The following CYTH3 variants were observed in gnomAD, a reference collection of about 807,000 sequenced individuals.
The protein encoded by CYTH3 is cytohesin-3.
CYTH3 carries 23 observed loss-of-function variants against 55.1 expected under a neutral mutation model. The ratio of observed to expected loss-of-function variants is 0.42; its 90% CI spans 0.30 to 0.59. The LOEUF (loss-of-function observed/expected upper bound fraction) is 0.59, where lower values mean the gene tolerates loss of function less well. CYTH3 is among the 20% of genes least tolerant of loss of function. The pLI, the probability that CYTH3 is intolerant of heterozygous loss-of-function variation, is 0.20. For missense variants in CYTH3, 413 were observed against 524.8 expected, an observed-to-expected ratio of 0.79 and a Z score of 2.08; for synonymous variants, 249 against 194.9, an observed-to-expected ratio of 1.28 and a Z score of -2.31.
chr7:6,187,027 G>A (rs751412157), intron 4 of CYTH3, 23 bp downstream of exon 4: 13 of 1,610,286 alleles, frequency 8.1e-6, no homozygotes, highest in African/African-American at 1.3e-5. Context: ...CTGCAGGCCA[G>A]AAAAGGGAGA....
chr7:6,170,747 G>A lies in CYTH3; in HGVS notation c.711+83C>T. The A allele has an allele frequency of 6.4e-7, 1 of 1,567,836 alleles. No homozygotes were observed. Among genetic ancestry groups the A allele is most frequent in the Non-Finnish European group, 8.7e-7 (1 of 1,154,988 alleles). ...CCAGGGCGGCAAGGAGGCTTGGGAG[G>A]CGTGTCTAGAGCCGCGGGCGCTGCG... On this transcript the variant is annotated intron_variant, in intron 8 of 12. Coordinates refer to ENST00000350796, the MANE Select transcript of CYTH3 (RefSeq NM_004227.4). This position sits in a 1 kb window ranked among gnomAD's most constrained non-coding sequence, Gnocchi z 7.8.
intron 1 of CYTH3, among the ~76,000 whole-genome samples, chr7:6,202,978 A>G (rs1784093529): frequency 6.6e-6 from 1 of 152,254 alleles, no homozygotes; most frequent in African/African-American, 2.4e-5. Context: ...AAAGTGACAT[A>G]CCAGACAAAT....
At chr7:6,190,301 T>C (rs756481217) in intron 2 of CYTH3, 148 bp downstream of exon 2, 2 of 732,900 alleles carry the variant, frequency 2.7e-6, no homozygotes, top group East Asian at 2.9e-5. Context: ...AGTTCTTATA[T>C]GCACACACTA....
In CYTH3 at chr7:6,173,716, T is replaced by C; in HGVS notation, c.386A>G (p.Lys129Arg). The change falls in exon 6 of 13, where the codon AAA becomes AGA. Residue 129 changes from lysine to arginine, a missense_variant. Lys to Arg is a conservative substitution (Grantham distance 26). This residue lies in a region of CYTH3 where 156 missense variants were observed against 233.1 expected (regional missense o/e 0.67). Coordinates refer to ENST00000350796, the MANE Select transcript of CYTH3 (RefSeq NM_004227.4). Reference protein sequence around the residue: ...YLGERDEFNIKVLQAFVELHE... With the variant: ...YLGERDEFNIRVLQAFVELHE... Reference sequence around the variant, plus strand: ...GAGTTCAACAAAGGCTTGAAGAACTTTAATATTAAATTCATCCCTGGGAAA... The same window carrying C: ...GAGTTCAACAAAGGCTTGAAGAACTCTAATATTAAATTCATCCCTGGGAAA... The C allele has an allele frequency of 6.2e-7, 1 of 1,604,714 alleles. No homozygotes were observed.
chr7:6,242,080 CTTTG>C lies in CYTH3; in HGVS notation c.34+30390_34+30393del, dbSNP rs368501422. Among the ~76,000 whole-genome samples, 374 of 151,876 alleles carry C rather than the reference CTTTG, an allele frequency of 2.5e-3. 1 individual carries two copies. The highest frequency in any genetic ancestry group is 8.5e-3 in the African/African-American group (354 of 41,456). ...AGGGAACAGGGCAGAGGGGTTTTTT[CTTTG>C]TTTGTTTTTTGAGATGGAGTCTCGC... On this transcript the variant is annotated intron_variant, in intron 1 of 12. Transcript: ENST00000350796.
intron 4 of CYTH3, among the ~76,000 whole-genome samples, chr7:6,183,762 C>G (rs1435432968): frequency 1.3e-5 from 2 of 151,674 alleles, no homozygotes; most frequent in African/African-American, 4.9e-5. Context: ...ATGTTGAAGC[C>G]CAAACCCCCA....
rs1193459071 is a variant in CYTH3 at position 6,162,894 on chromosome 7, G to A, written c.*2050C>T. 1.3e-5 allele frequency: 2 copies of A among 152,710 alleles called. No individual in the cohort carries two copies. Among genetic ancestry groups the A allele is most frequent in the South Asian group, 2.1e-4 (1 of 4,836 alleles). The allele number at this position is 152,710 out of a possible 1,614,324, so 9.5% of individuals were successfully genotyped here. Reference sequence around the variant, plus strand: ...ATGCTGACAGAGCTGGCTGTGGCCAGTCTTGGGTGCCGGGCCAGCCTGAGG... The same window carrying A: ...ATGCTGACAGAGCTGGCTGTGGCCAATCTTGGGTGCCGGGCCAGCCTGAGG... On this transcript the variant is annotated 3_prime_UTR_variant, in exon 13 of 13. Coordinates refer to ENST00000350796, the MANE Select transcript of CYTH3 (RefSeq NM_004227.4).
intron 1 of CYTH3, among the ~76,000 whole-genome samples, chr7:6,247,070 C>T (rs2115042907): frequency 6.6e-6 from 1 of 152,352 alleles, no homozygotes; most frequent in East Asian, 1.9e-4. Flanking sequence ...TACTGGCTCA[C>T]ATAACTCCTA....
At chr7:6,253,499 G>A (rs541445416) in intron 1 of CYTH3, among the ~76,000 whole-genome samples, 79 of 151,896 alleles carry the variant, frequency 5.2e-4, no homozygotes, top group Non-Finnish European at 8.7e-4. Context: ...CTGATCCATC[G>A]CACCCAGCCA....
At chr7:6,189,667 T>C (rs558519271) in intron 2 of CYTH3, among the ~76,000 whole-genome samples, 1 of 152,032 alleles carries the variant, frequency 6.6e-6, no homozygotes, top group East Asian at 1.9e-4. Context: ...TGGAACCCAA[T>C]ACATGCCCAC....
intron 1 of CYTH3, among the ~76,000 whole-genome samples, chr7:6,272,238 G>C (rs540639241): frequency 6.6e-6 from 1 of 151,310 alleles, no homozygotes; most frequent in Non-Finnish European, 1.5e-5. Context: ...CCCCGGCCTG[G>C]TACCCAGACC....
intron 1 of CYTH3, among the ~76,000 whole-genome samples, chr7:6,206,475 A>G (rs916100323): frequency 2.0e-5 from 3 of 152,238 alleles, no homozygotes; most frequent in Non-Finnish European, 4.4e-5. Context: ...TACTGCCTGA[A>G]GAAGGGCATA....
At chr7:6,268,166 G>A (rs1277275780) in intron 1 of CYTH3, among the ~76,000 whole-genome samples, 3 of 151,936 alleles carry the variant, frequency 2.0e-5, no homozygotes, top group African/African-American at 7.3e-5. Flanking sequence ...CTTTGCTCTT[G>A]TAATTTTGTT....
At chr7:6,166,242 G>A (rs988119230) in intron 9 of CYTH3, among the ~76,000 whole-genome samples, 7 of 152,220 alleles carry the variant, frequency 4.6e-5, no homozygotes, top group Non-Finnish European at 1.0e-4. Context: ...CCAAGGAATC[G>A]TGAGACTGAA....
intron 1 of CYTH3, among the ~76,000 whole-genome samples, chr7:6,210,992 A>C (rs1284896295): frequency 6.6e-6 from 1 of 152,216 alleles, no homozygotes; most frequent in Non-Finnish European, 1.5e-5. Flanking sequence ...TTTCCTTTCC[A>C]AGTGAAGTTT....
chr7:6,169,721 GC>G lies in CYTH3; in HGVS notation c.823+813del, dbSNP rs1272414037. 1.3e-5 allele frequency among the ~76,000 whole-genome samples: 2 copies of G among 152,218 alleles called. No individual in the cohort carries two copies. Among genetic ancestry groups the G allele is most frequent in the East Asian group, 3.9e-4 (2 of 5,170 alleles). On this transcript the variant is annotated intron_variant, in intron 9 of 12. Coordinates refer to ENST00000350796, the MANE Select transcript of CYTH3 (RefSeq NM_004227.4). The surrounding 1 kb of genome is among the most constrained non-coding windows in gnomAD (Gnocchi z 4.1). ...GTAATTGCCCTAAATTGCTCCAAAG[GC>G]CTTTAGAGCACTCCCGAAATCTCTC...
chr7:6,166,250 GAATT>G (rs1478941166), intron 9 of CYTH3, among the ~76,000 whole-genome samples: 1 of 152,232 alleles, frequency 6.6e-6, no homozygotes, highest in Non-Finnish European at 1.5e-5. Flanking sequence ...TCGTGAGACT[GAATT>G]AATTTTGTAA....
chr7:6,246,848 CTT>C (rs1779832967), intron 1 of CYTH3, among the ~76,000 whole-genome samples: 1 of 152,132 alleles, frequency 6.6e-6, no homozygotes, highest in Non-Finnish European at 1.5e-5. Context: ...ATAATTTAGA[CTT>C]AAATTTATGT....
chr7:6,179,884 C>CA (rs1783459778), intron 4 of CYTH3, among the ~76,000 whole-genome samples: 2 of 147,318 alleles, frequency 1.4e-5, no homozygotes, highest in African/African-American at 5.1e-5. Context: ...ACACCACACA[C>CA]ACCACACACA....
Sources: gnomAD v4.1 joint callset for allele counts (sites outside exome capture counted in the v4.1 genomes callset) on GRCh38, gnomAD v4.1.1 for gene constraint, gnomAD v4.1.1 regional missense constraint, Gnocchi (gnomAD v3.1) non-coding constraint, MANE v1.5 for transcripts, NCBI Gene and HGNC (gene_info 2026-07-23, HGNC 2026-07-21) for gene names.